The following EYS variants were observed in gnomAD, a reference collection of about 807,000 sequenced individuals.
EYS encodes the protein protein eyes shut homolog.
In EYS, 250 loss-of-function variants were observed where a neutral mutation model predicts 282.1. That is an observed-to-expected ratio of 0.89 (90% CI 0.80 to 0.98). The LOEUF is 0.98. Ranked by LOEUF, EYS falls within the 50% of genes least tolerant of loss-of-function variation. The pLI, the probability that EYS is intolerant of heterozygous loss-of-function variation, is 0.00. For synonymous variants in EYS, 1,355 were observed against 1,282.9 expected (o/e 1.06, Z -1.20); for missense variants, 4,016 against 3,709.0 (o/e 1.08, Z -2.15).
At chr6:64,163,659 T>C (rs2150302500) in intron 31 of EYS, among the ~76,000 whole-genome samples, 1 of 152,246 alleles carries the variant, frequency 6.6e-6, no homozygotes, top group South Asian at 2.1e-4. Context: ...AACAATTGTA[T>C]AACAAAATAA....
At chr6:63,952,036 A>AATT in intron 35 of EYS, among the ~76,000 whole-genome samples, 1 of 152,228 alleles carries the variant, frequency 6.6e-6, no homozygotes, top group Admixed American at 6.5e-5. Context: ...TTCAAGGTGT[A>AATT]CAATAACAGA....
chr6:65,626,844 A>G lies in EYS; in HGVS notation c.-333+12934T>C, dbSNP rs181313743. On this transcript the variant is annotated intron_variant, in intron 2 of 42. Transcript: ENST00000503581. ...TGCTCGGCAGTGTTTTATGTATTGTATGGACTCATAAGAACAGAGAGCCCC... is the reference window on the plus strand; with the variant it reads ...TGCTCGGCAGTGTTTTATGTATTGTGTGGACTCATAAGAACAGAGAGCCCC... Among the ~76,000 whole-genome samples the G allele has an allele frequency of 3.0e-4, 45 of 151,814 alleles. No individual in the cohort carries two copies. In the East Asian group the frequency reaches 8.1e-3, roughly 27 times the overall value.
intron 12 of EYS, among the ~76,000 whole-genome samples, chr6:65,129,819 C>T (rs566802836): frequency 1.2e-4 from 18 of 151,880 alleles, no homozygotes; most frequent in East Asian, 9.7e-4. Flanking sequence ...ATACACTCAA[C>T]GGAAAATAAA....
At chr6:64,597,417 T>A (rs1397523378) in intron 24 of EYS, among the ~76,000 whole-genome samples, 1 of 152,176 alleles carries the variant, frequency 6.6e-6, no homozygotes, top group African/African-American at 2.4e-5. Flanking sequence ...CATGTATTTA[T>A]ATGTTTATCA....
At chr6:65,061,512 T>C (rs907545795) in intron 12 of EYS, among the ~76,000 whole-genome samples, 8 of 151,968 alleles carry the variant, frequency 5.3e-5, no homozygotes, top group African/African-American at 1.9e-4. Context: ...CTGGAGACAT[T>C]TGTGACAACT....
intron 26 of EYS, among the ~76,000 whole-genome samples, chr6:64,460,518 A>G (rs117613737): frequency 6.6e-6 from 1 of 152,248 alleles, no homozygotes; most frequent in African/African-American, 2.4e-5. Context: ...AGCAATGTTT[A>G]GAGAGTCACA....
At chr6:64,501,340 A>G (rs1480020429) in intron 26 of EYS, among the ~76,000 whole-genome samples, 3 of 152,138 alleles carry the variant, frequency 2.0e-5, no homozygotes, top group Non-Finnish European at 2.9e-5. Context: ...TAAAAAAATA[A>G]CAAATCATTA....
intron 14 of EYS, among the ~76,000 whole-genome samples, chr6:64,950,203 G>A (rs1393167351): frequency 6.6e-6 from 1 of 151,902 alleles, no homozygotes; most frequent in Non-Finnish European, 1.5e-5. Context: ...TATTCAAGAT[G>A]AAATAGAAAA....
intron 33 of EYS, among the ~76,000 whole-genome samples, chr6:64,046,012 TAATA>T (rs936684680): frequency 2.0e-5 from 3 of 147,728 alleles, no homozygotes; most frequent in African/African-American, 2.5e-5. Context: ...ATGTAATCTA[TAATA>T]AATATGTATT....
intron 12 of EYS, among the ~76,000 whole-genome samples, chr6:65,204,645 ACTAG>A (rs1257089801): frequency 6.6e-6 from 1 of 151,864 alleles, no homozygotes; most frequent in East Asian, 1.9e-4. Context: ...CTCCAAGGTT[ACTAG>A]CTAACAAAAC....
In EYS at chr6:64,950,787, A is replaced by G. The variant is rs1255171434; in HGVS notation, c.2260-4873T>C. On this transcript the variant is annotated intron_variant, in intron 14 of 42. Transcript: ENST00000503581. ...GAAACTGAATAAAAAATATATACAC[A>G]TATACATATACATATATATATATAT... is the stretch of plus-strand genomic sequence containing the variant. Among the ~76,000 whole-genome samples, 7 of 88,262 alleles carry G rather than the reference A, an allele frequency of 7.9e-5. No individual in the cohort carries two copies. The East Asian group carries it at 2.4e-3, about 31-fold the overall frequency. 57.9% of individuals were successfully genotyped at this position (88,262 alleles called of 152,430 possible). A position where few individuals can be genotyped will look rare whatever the true frequency, so the allele number is the denominator to read the frequency against.
chr6:64,709,942 C>T (rs1771151341), intron 22 of EYS, among the ~76,000 whole-genome samples: 1 of 152,120 alleles, frequency 6.6e-6, no homozygotes, highest in Admixed American at 6.5e-5. Flanking sequence ...GACTTATGAT[C>T]AAATTGTGTT....
chr6:64,331,766 C>A (rs543270141), intron 29 of EYS, among the ~76,000 whole-genome samples: 1 of 152,348 alleles, frequency 6.6e-6, no homozygotes, highest in African/African-American at 2.4e-5. Flanking sequence ...CAGGGGCCAA[C>A]ATGGCCCCCA....
At position 64,312,973 on chromosome 6, in the gene EYS, C is replaced by T. The variant is rs540535625; in HGVS notation, c.6079-5891G>A. On this transcript the variant is annotated intron_variant, in intron 29 of 42. Transcript: ENST00000503581. ...AATTCCAAAAACCAGAATGCCTCTT[C>T]TTCTCCAAAGGATCACAACTCCTTG... Among the ~76,000 whole-genome samples the T allele has an allele frequency of 8.5e-5, 13 of 152,268 alleles. No individual in the cohort carries two copies. In the South Asian group the frequency reaches 1.0e-3, roughly 12 times the overall value.
At chr6:63,751,434 TA>T (rs1185034292) in intron 41 of EYS, among the ~76,000 whole-genome samples, 3 of 152,230 alleles carry the variant, frequency 2.0e-5, no homozygotes, top group Non-Finnish European at 4.4e-5. Flanking sequence ...ATTAATCTAT[TA>T]TTTGCCTTTT....
intron 31 of EYS, among the ~76,000 whole-genome samples, chr6:64,102,386 C>G (rs1328876468): frequency 6.6e-6 from 1 of 151,954 alleles, no homozygotes; most frequent in Non-Finnish European, 1.5e-5. Flanking sequence ...GCAGACTTTT[C>G]TGACTATTAA....
chr6:65,384,846 G>C (rs1005781362), intron 7 of EYS, among the ~76,000 whole-genome samples: 2 of 151,806 alleles, frequency 1.3e-5, no homozygotes, highest in African/African-American at 4.8e-5. Flanking sequence ...ATGTTTAGTA[G>C]AGCCAGTATA....
intron 31 of EYS, among the ~76,000 whole-genome samples, chr6:64,165,951 A>G (rs947654557): frequency 6.6e-6 from 1 of 152,222 alleles, no homozygotes; most frequent in East Asian, 1.9e-4. Context: ...ATTTCTATCA[A>G]CTAAGATCTT....
intron 2 of EYS, among the ~76,000 whole-genome samples, chr6:65,521,557 T>A (rs531112378): frequency 1.3e-4 from 20 of 152,270 alleles, no homozygotes; most frequent in African/African-American, 4.8e-4. Context: ...CATATCTTAG[T>A]CTAACTTACA....
Sources: allele counts gnomAD v4.1 joint callset (sites outside exome capture counted in the v4.1 genomes callset), GRCh38; gene constraint gnomAD v4.1.1; transcripts MANE v1.5; gene names NCBI Gene and HGNC (gene_info 2026-07-23, HGNC 2026-07-21).